FMO1: variants seen among roughly 807,000 people sequenced by gnomAD.
The protein encoded by FMO1 is flavin containing dimethylaniline monoxygenase 1, also known as flavin-containing monooxygenase 1.
A neutral mutation model predicts 45.4 loss-of-function variants in FMO1; 36 were observed. The ratio of observed to expected loss-of-function variants is 0.79; its 90% CI spans 0.61 to 1.05. FMO1 has a LOEUF of 1.05. FMO1 is among the 50% of genes least tolerant of loss of function. The pLI, the probability that FMO1 is intolerant of heterozygous loss-of-function variation, is 0.00. For missense variants in FMO1, 615 were observed against 640.3 expected, an observed-to-expected ratio of 0.96 and a Z score of 0.43; for synonymous variants, 228 against 227.2, an observed-to-expected ratio of 1.00 and a Z score of -0.03.
chr1:171,251,850 C>T (rs919978083), intron 1 of FMO1: 2 of 151,886 alleles, frequency 1.3e-5, no homozygotes, highest in Non-Finnish European at 2.9e-5. Flanking sequence ...TTTATTCATT[C>T]ATCGCGTGGT....
At chr1:171,285,134 C>T (rs1443250829) in intron 8 of FMO1, 68 bp from the exon 9 acceptor site, 15 of 1,079,470 alleles carry the variant, frequency 1.4e-5, no homozygotes, top group Admixed American at 4.8e-5. Flanking sequence ...GCTTTGGGCA[C>T]TTGTACTTGT....
rs1450839572 is a variant in FMO1 at position 171,270,845 on chromosome 1, A to G, written c.321+3114A>G. On this transcript the variant is annotated intron_variant, in intron 3 of 8. Transcript: ENST00000617670. ...AAAAGACACTGTACAGTTTAAAAAC[A>G]AATCCTACACAGACTTACATTTCCA... The G allele has an allele frequency of 3.3e-5, 23 of 707,040 alleles. No homozygotes were observed. The Admixed American group carries it at 6.9e-4, about 21-fold the overall frequency. The allele number at this position is 707,040 out of a possible 1,614,324, so 43.8% of individuals were successfully genotyped here. A position where few individuals can be genotyped will look rare whatever the true frequency, so the allele number is the denominator to read the frequency against.
intron 2 of FMO1, among the ~76,000 whole-genome samples, chr1:171,263,124 G>A (rs957146579): frequency 7.9e-5 from 12 of 152,152 alleles, no homozygotes; most frequent in South Asian, 2.1e-4. Context: ...CTGCCTGAAG[G>A]ATACAAGCTT....
chr1:171,251,535 G>A (rs1659889860), intron 1 of FMO1: 1 of 151,664 alleles, frequency 6.6e-6, no homozygotes, highest in Non-Finnish European at 1.5e-5. Flanking sequence ...TCGTTTTCGG[G>A]CGGTTCGTCG....
At chr1:171,274,379 G>T (rs1286120753) in intron 3 of FMO1, among the ~76,000 whole-genome samples, 1 of 151,486 alleles carries the variant, frequency 6.6e-6, no homozygotes, top group Non-Finnish European at 1.5e-5. Flanking sequence ...TCCCAAATCA[G>T]CCTCCTGAGT....
At chr1:171,255,599 C>A (rs28384847) in intron 1 of FMO1, among the ~76,000 whole-genome samples, 1 of 152,168 alleles carries the variant, frequency 6.6e-6, no homozygotes, top group African/African-American at 2.4e-5. Context: ...ACTAGGAGCC[C>A]ATTCCTTCTG....
At chr1:171,265,272 T>C (rs1660567838) in intron 2 of FMO1, among the ~76,000 whole-genome samples, 1 of 151,700 alleles carries the variant, frequency 6.6e-6, no homozygotes, top group South Asian at 2.1e-4. Context: ...GTGCCTGTAG[T>C]CCCAGCTACT....
rs1182240081 is a variant in FMO1, at chr1:171,258,229, G to C, written c.132+10G>C. On this transcript the variant is annotated intron_variant, in intron 2 of 8. Transcript: ENST00000617670. The stretch of plus-strand genomic sequence containing the variant: ...GCTGTGGAGATTCACCGTAAGTGGG[G>C]TTTCAACAACTTTATCTGTCTATTG... 5.6e-6 allele frequency: 9 copies of C among 1,613,658 alleles called. No homozygotes were observed. Among genetic ancestry groups the C allele is most frequent in the Non-Finnish European group, 7.6e-6 (9 of 1,179,798 alleles).
Position 171,280,969 on chromosome 1 carries a change from T to C in FMO1, c.811T>C (p.Leu271=). 6.2e-7 allele frequency: 1 copy of C among 1,613,718 alleles called. No individual in the cohort carries two copies. Among genetic ancestry groups the C allele is most frequent in the Non-Finnish European group, 8.5e-7 (1 of 1,179,728 alleles). The change falls in exon 6 of 9, where the codon TTA becomes CTA. Residue 271 remains leucine, a synonymous_variant. Coordinates refer to ENST00000617670, the MANE Select transcript of FMO1 (RefSeq NM_001282693.2). ...NNWLNHANYG[L]IPEDRTQLKE... ...CTGGCTCAATCATGCAAATTACGGC[T>C]TAATACCAGAAGACAGGTAAATATA... is the stretch of plus-strand genomic sequence containing the variant.
chr1:171,249,611 A>T (rs954777921), intron 1 of FMO1, among the ~76,000 whole-genome samples: 11 of 152,088 alleles, frequency 7.2e-5, no homozygotes, highest in African/African-American at 2.2e-4. Flanking sequence ...GTCACAACCC[A>T]CTTGAGGATA....
intron 2 of FMO1, among the ~76,000 whole-genome samples, chr1:171,260,912 C>CAA (rs71561566): frequency 0.047 from 2,484 of 53,184 alleles, 355 homozygotes; most frequent in African/African-American, 0.16. Flanking sequence ...GGCTCCATCT[C>CAA]AAAAAAAAAA....
rs1454542866 is a variant in FMO1 at position 171,281,964 on chromosome 1, A to G, written c.828-14A>G. On this transcript the variant is annotated splice_polypyrimidine_tract_variant and intron_variant, in intron 6 of 8. Transcript: ENST00000617670. ...TCACTGACAAGTCTCCTCCCTGTTCATGTTTTTGTTTAGGACTCAGCTGAA... is the reference window on the plus strand; with the variant it reads ...TCACTGACAAGTCTCCTCCCTGTTCGTGTTTTTGTTTAGGACTCAGCTGAA... The G allele has an allele frequency of 1.3e-6, 2 of 1,531,304 alleles. No homozygotes were observed. The highest frequency in any genetic ancestry group is 1.7e-5 in the Admixed American group (1 of 57,302). 94.9% of individuals were successfully genotyped at this position (1,531,304 alleles called of 1,614,324 possible). A position where few individuals can be genotyped will look rare whatever the true frequency, so the allele number is the denominator to read the frequency against.
At chr1:171,271,549 A>T in intron 3 of FMO1, 1 of 824,134 alleles carries the variant, frequency 1.2e-6, no homozygotes, top group Non-Finnish European at 2.1e-6. Context: ...GCATATGATG[A>T]CATTTTGCCT....
At chr1:171,262,097 T>G (rs1660401853) in intron 2 of FMO1, among the ~76,000 whole-genome samples, 1 of 152,192 alleles carries the variant, frequency 6.6e-6, no homozygotes, top group Non-Finnish European at 1.5e-5. Context: ...AATATTACTT[T>G]CAGAGAATTT....
intron 2 of FMO1, among the ~76,000 whole-genome samples, chr1:171,265,404 T>C (rs182105354): frequency 1.2e-5 from 1 of 86,502 alleles, no homozygotes; most frequent in Admixed American, 1.1e-4. Flanking sequence ...AAAAGAAAAA[T>C]AAAAAAGAAA....
chr1:171,256,865 A>T (rs1348380132), intron 1 of FMO1, among the ~76,000 whole-genome samples: 2 of 152,168 alleles, frequency 1.3e-5, no homozygotes, highest in Non-Finnish European at 2.9e-5. Flanking sequence ...CACTTAACAA[A>T]CTTAGGGAGA....
chr1:171,261,550 C>G (rs1254449464), intron 2 of FMO1, among the ~76,000 whole-genome samples: 3 of 152,094 alleles, frequency 2.0e-5, no homozygotes, highest in Non-Finnish European at 4.4e-5. Flanking sequence ...GTTTCCATTT[C>G]CAGATGGGGA....
At chr1:171,276,283 T>A (rs1316046885) in intron 4 of FMO1, among the ~76,000 whole-genome samples, 1 of 152,166 alleles carries the variant, frequency 6.6e-6, no homozygotes, top group East Asian at 1.9e-4. Flanking sequence ...CCCCCAGAGG[T>A]CACTCAGATC....
intron 4 of FMO1, among the ~76,000 whole-genome samples, chr1:171,276,789 C>T (rs1661130179): frequency 6.6e-6 from 1 of 152,076 alleles, no homozygotes; most frequent in Admixed American, 6.6e-5. Flanking sequence ...GGATTTGCCC[C>T]CCAAAGTCAC....
Sources: allele counts gnomAD v4.1 joint callset (sites outside exome capture counted in the v4.1 genomes callset), GRCh38; gene constraint gnomAD v4.1.1; transcripts MANE v1.5; gene names NCBI Gene and HGNC (gene_info 2026-07-23, HGNC 2026-07-21).